OBP2A: variants seen among roughly 807,000 people sequenced by gnomAD.
The protein encoded by OBP2A is odorant-binding protein 2a.
Under a neutral mutation model 21.9 loss-of-function variants are expected in OBP2A, and 15 were observed. The ratio of observed to expected loss-of-function variants is 0.69; its 90% confidence interval spans 0.46 to 1.06. OBP2A has a LOEUF of 1.06. Ranked by LOEUF, OBP2A falls within the 50% of genes least tolerant of loss-of-function variation. The probability of loss-of-function intolerance (pLI) is 0.00; values close to 1 mark genes in which losing one functional copy is unlikely to be tolerated. For missense variants in OBP2A, 192 were observed against 220.1 expected, an observed-to-expected ratio of 0.87 and a Z score of 0.81; for synonymous variants, 86 against 91.8, an observed-to-expected ratio of 0.94 and a Z score of 0.36.
intron 4 of OBP2A, 163 bp from the exon 5 acceptor site, chr9:135,548,545 G>C: frequency 1.0e-6 from 1 of 952,886 alleles, no homozygotes; most frequent in Non-Finnish European, 1.5e-6. Flanking sequence ...GTGCTGGACA[G>C]TTGCCATCTC....
In OBP2A at chr9:135,548,845, T is replaced by C. The variant is rs745410431; in HGVS notation, c.490+36T>C. ...CTGTGCCCAGTACCCCGTGTTCCCC[T>C]GTGTCTCTGTGTGATCTCCAGTGTC... On this transcript the variant is annotated intron_variant, in intron 5 of 6. Transcript: ENST00000371776. 2.5e-6 allele frequency: 4 copies of C among 1,602,020 alleles called. No homozygotes were observed. The South Asian group carries it at 3.3e-5, about 13-fold the overall frequency.
intron 4 of OBP2A, 42 bp from the exon 5 acceptor site, chr9:135,548,666 C>T (rs1241949898): frequency 1.2e-6 from 2 of 1,612,894 alleles, no homozygotes; most frequent in East Asian, 4.5e-5. Context: ...CAGGGCCGTG[C>T]CGCTGTCCCC....
rs1037556760 is a variant in OBP2A at position 135,547,769 on chromosome 9, C to G, written c.278-102C>G. On this transcript the variant is annotated intron_variant, in intron 3 of 6. Coordinates refer to ENST00000371776, the MANE Select transcript of OBP2A (RefSeq NM_014582.3). ...GCCTGGCTCAGGCTGTCCAGGGCACCTGGGTGACCACTGAAACATTCCTGA... is the reference window on the plus strand; with the variant it reads ...GCCTGGCTCAGGCTGTCCAGGGCACGTGGGTGACCACTGAAACATTCCTGA... 25 of 918,596 alleles carry G rather than the reference C, an allele frequency of 2.7e-5. No homozygotes were observed. In the African/African-American group the frequency reaches 4.2e-4, roughly 15 times the overall value. 56.9% of individuals were successfully genotyped at this position (918,596 alleles called of 1,614,324 possible).
In OBP2A at chr9:135,546,763, C is replaced by T. The variant is rs769585858; in HGVS notation, c.73-15C>T. 10 of 1,600,696 alleles carry T rather than the reference C, an allele frequency of 6.2e-6. No individual in the cohort carries two copies. In the South Asian group the frequency reaches 1.0e-4, roughly 16 times the overall value. ...GGGCCACCCATGGTGGGCTCACGGC[C>T]TTGGCCTGCTCCAGATCACAGGGAC... On this transcript the variant is annotated splice_polypyrimidine_tract_variant and intron_variant, in intron 1 of 6. Coordinates refer to ENST00000371776, the MANE Select transcript of OBP2A (RefSeq NM_014582.3).
chr9:135,547,444 A>G (rs72766537), intron 3 of OBP2A, among the ~76,000 whole-genome samples, 196 bp downstream of exon 3: 30 of 152,106 alleles, frequency 2.0e-4, no homozygotes, highest in African/African-American at 7.2e-4. Flanking sequence ...TGTCCACAGT[A>G]GAGATGGACC....
In OBP2A at chr9:135,549,968, C is replaced by T; in HGVS notation, c.*133C>T. On this transcript the variant is annotated 3_prime_UTR_variant, in exon 7 of 7. Transcript: ENST00000371776. ...GACTCCAAATAAAGAGCTTCTCCCC[C>T]AGCTCTGGGCAGGCCTATCTGTGGG... 2.1e-6 allele frequency: 3 copies of T among 1,429,372 alleles called. No homozygotes were observed. Among genetic ancestry groups the T allele is most frequent in the Non-Finnish European group, 2.8e-6 (3 of 1,054,786 alleles). The allele number at this position is 1,429,372 out of a possible 1,614,324, so 88.5% of individuals were successfully genotyped here.
At chr9:135,546,982 T>G in intron 2 of OBP2A, 71 bp downstream of exon 2, 1 of 1,599,992 alleles carries the variant, frequency 6.3e-7, no homozygotes, top group Non-Finnish European at 8.5e-7. Context: ...TGGTGCCCAT[T>G]GCCCCATCCA....
chr9:135,549,531 A>C lies in OBP2A; in HGVS notation c.*1+200A>C, dbSNP rs1832061797. The C allele has an allele frequency of 6.7e-6, 4 of 596,844 alleles. No individual in the cohort carries two copies. The African/African-American group carries it at 8.1e-5, about 12-fold the overall frequency. The allele number at this position is 596,844 out of a possible 1,614,324, so 37.0% of individuals were successfully genotyped here. ...AAGTCCTTTGTTTTACCATTCCTGC[A>C]CCTGCCAGCCCGAGTGAGGGTCCTC... is the stretch of plus-strand genomic sequence containing the variant. On this transcript the variant is annotated intron_variant, in intron 6 of 6. Transcript: ENST00000371776.
In OBP2A at chr9:135,548,074, G is replaced by T. The variant is rs1286316951; in HGVS notation, c.388+93G>T. ...CCATCATCACGCCCTGGCACGGGGG[G>T]AAAAGGAAGCCCCCTGCGCCGGCCT... On this transcript the variant is annotated intron_variant, in intron 4 of 6. Transcript: ENST00000371776. The T allele has an allele frequency of 3.3e-6, 3 of 897,372 alleles. 1 individual carries two copies. Among genetic ancestry groups the T allele is most frequent in the South Asian group, 3.5e-5 (2 of 56,840 alleles). The allele number at this position is 897,372 out of a possible 1,614,324, so 55.6% of individuals were successfully genotyped here.
In OBP2A at chr9:135,547,240, T is replaced by A. The variant is rs492193; in HGVS notation, c.269T>A (p.Phe90Tyr). 29,511 of 1,602,992 alleles carry A rather than the reference T, an allele frequency of 0.018. 350 individuals carry two copies. The highest frequency in any genetic ancestry group is 0.049 in the Middle Eastern group (280 of 5,714). The stretch of plus-strand genomic sequence containing the variant: ...CGGAAGACGGAGGAGCCTGGCAAAT[T>A]CAGCGCCTGTGAGCCCCTCCCCGAC... Reference protein sequence around the residue: ...LMRKTEEPGKFSAYGGRKLIY... With the variant: ...LMRKTEEPGKYSAYGGRKLIY... Residue 90 changes from phenylalanine to tyrosine, a missense_variant, in exon 3 of 7, where the codon TTC (phenylalanine) becomes TAC (tyrosine). By Grantham distance (22) the Phe-to-Tyr change is conservative. Transcript: ENST00000371776.
Position 135,547,865 on chromosome 9 carries a change from C to T in OBP2A, c.278-6C>T, listed in dbSNP as rs200066327. The T allele has an allele frequency of 3.1e-3, 4,973 of 1,597,500 alleles. 10 individuals are homozygous for T. Among genetic ancestry groups the T allele is most frequent in the Non-Finnish European group, 3.9e-3 (4,551 of 1,170,550 alleles). ...ACTGAAGACCCATCTTCTCTGTCAT[C>T]TACAGATGGGGGCAGGAAGCTCATA... is the stretch of plus-strand genomic sequence containing the variant. On this transcript the variant is annotated splice_polypyrimidine_tract_variant and splice_region_variant and intron_variant, in intron 3 of 6. Coordinates refer to ENST00000371776, the MANE Select transcript of OBP2A (RefSeq NM_014582.3).
In OBP2A at chr9:135,547,292, A is replaced by G. The variant is rs748600666; in HGVS notation, c.277+44A>G. On this transcript the variant is annotated intron_variant, in intron 3 of 6. Coordinates refer to ENST00000371776, the MANE Select transcript of OBP2A (RefSeq NM_014582.3). ...CCCCACTCCCCATGCCCAACCCCGGATGCACCAGCCCCACTGCAGGTGGAG... is the reference window on the plus strand; with the variant it reads ...CCCCACTCCCCATGCCCAACCCCGGGTGCACCAGCCCCACTGCAGGTGGAG... The G allele has an allele frequency of 1.4e-5, 22 of 1,588,284 alleles. 1 individual carries two copies. In the South Asian group the frequency reaches 2.2e-4, roughly 16 times the overall value.
At chr9:135,546,446 G>C (rs1020190322) in intron 1 of OBP2A, among the ~76,000 whole-genome samples, 194 bp downstream of exon 1, 1 of 152,002 alleles carries the variant, frequency 6.6e-6, no homozygotes, top group African/African-American at 2.4e-5. Context: ...GCCGGAGCAG[G>C]CTCGGCTCAG....
chr9:135,547,461 A>C (rs1831971713), intron 3 of OBP2A, among the ~76,000 whole-genome samples: 3 of 152,224 alleles, frequency 2.0e-5, no homozygotes, highest in Non-Finnish European at 4.4e-5. Flanking sequence ...GACCAGATCA[A>C]GCCTGCCCTC....
rs558778794 is a variant in OBP2A, at chr9:135,546,495, C to T, written c.72+243C>T. On this transcript the variant is annotated intron_variant, in intron 1 of 6. Coordinates refer to ENST00000371776, the MANE Select transcript of OBP2A (RefSeq NM_014582.3). The stretch of plus-strand genomic sequence containing the variant: ...ACTGACGCCTGAAGCCCGAAGGTCT[C>T]GCAGGGTTGGGCCCTGTGGAGGGAG... Among the ~76,000 whole-genome samples, 12 of 151,950 alleles carry T rather than the reference C, an allele frequency of 7.9e-5. No homozygotes were observed. The East Asian group carries it at 2.1e-3, about 27-fold the overall frequency.
At chr9:135,549,700 G>C (rs1303001571) in intron 6 of OBP2A, 137 bp from the exon 7 acceptor site, 21 of 615,158 alleles carry the variant, frequency 3.4e-5, no homozygotes, top group Non-Finnish European at 5.7e-5. Context: ...CATTGGAGGA[G>C]CTGAGGCTGC....
chr9:135,548,308 C>CA (rs1192475694), intron 4 of OBP2A, among the ~76,000 whole-genome samples: 1 of 152,138 alleles, frequency 6.6e-6, no homozygotes. Context: ...TCCAGGGCGG[C>CA]AGGGCAGCCA....
chr9:135,548,047 C>G (rs1375082290), intron 4 of OBP2A, 66 bp downstream of exon 4: 2 of 1,164,150 alleles, frequency 1.7e-6, no homozygotes, highest in East Asian at 4.9e-5. Flanking sequence ...CCAGTGGAAC[C>G]ACCATCATCA....
At position 135,547,120 on chromosome 9, in the gene OBP2A, C is replaced by T. The variant is rs559436873; in HGVS notation, c.207-58C>T. 8.6e-6 allele frequency: 13 copies of T among 1,517,560 alleles called. No homozygotes were observed. The South Asian group carries it at 1.3e-4, about 16-fold the overall frequency. The allele number at this position is 1,517,560 out of a possible 1,614,324, so 94.0% of individuals were successfully genotyped here. A position where few individuals can be genotyped will look rare whatever the true frequency, so the allele number is the denominator to read the frequency against. On this transcript the variant is annotated intron_variant, in intron 2 of 6. Coordinates refer to ENST00000371776, the MANE Select transcript of OBP2A (RefSeq NM_014582.3). ...GGGTCAGGGCCATGCACCAGGTGAG[C>T]TGAGGATGGGCCAGGTGTGTCCTGG...
Sources: gnomAD v4.1 joint callset for allele counts (sites outside exome capture counted in the v4.1 genomes callset) on GRCh38, gnomAD v4.1.1 for gene constraint, MANE v1.5 for transcripts, NCBI Gene and HGNC (gene_info 2026-07-23, HGNC 2026-07-21) for gene names.